The following NXPE2 variants were observed in gnomAD, a reference collection of about 807,000 sequenced individuals.
NXPE2 encodes the protein NXPE family member 2.
NXPE2 carries 34 observed loss-of-function variants against 34.4 expected under a neutral mutation model. The ratio of observed to expected loss-of-function variants is 0.99; its 90% CI spans 0.75 to 1.31. The LOEUF (loss-of-function observed/expected upper bound fraction) is 1.31, where lower values mean the gene tolerates loss of function less well. NXPE2 is among the 40% of genes most tolerant of loss of function. NXPE2 has a pLI of 0.00. For missense variants in NXPE2, 649 were observed against 672.5 expected (o/e 0.97, Z 0.39); for synonymous variants, 235 against 231.3 (o/e 1.02, Z -0.15).
the NXPE2 span, among the ~76,000 whole-genome samples, chr11:114,559,632 C>T: frequency 1.3e-5 from 2 of 152,030 alleles, no homozygotes; most frequent in South Asian, 4.2e-4. Context: ...GTTTCCCACA[C>T]TTTCTTCTGA....
chr11:114,631,529 G>C, the NXPE2 span, among the ~76,000 whole-genome samples: 3 of 121,208 alleles, frequency 2.5e-5, no homozygotes, highest in East Asian at 6.1e-4. Context: ...GTTGTGGGGT[G>C]GGGGGAGGGG....
chr11:114,789,667 A>G, the NXPE2 span, among the ~76,000 whole-genome samples: 8 of 152,350 alleles, frequency 5.3e-5, no homozygotes, highest in South Asian at 1.7e-3. Flanking sequence ...TAGTTGGCTC[A>G]GAAAGGCTTC....
At chr11:114,761,765 G>A in the NXPE2 span, among the ~76,000 whole-genome samples, 17 of 151,218 alleles carry the variant, frequency 1.1e-4, no homozygotes, top group Non-Finnish European at 2.4e-4. Context: ...TAGTAGAGAC[G>A]GGGTTTCACC....
the NXPE2 span, among the ~76,000 whole-genome samples, chr11:114,503,372 G>A: frequency 0.016 from 2,501 of 152,084 alleles, 49 homozygotes; most frequent in African/African-American, 0.054. Flanking sequence ...TAGAAGAGAC[G>A]GAGACAATTT....
At chr11:114,714,650 C>A in the NXPE2 span, among the ~76,000 whole-genome samples, 4 of 152,184 alleles carry the variant, frequency 2.6e-5, no homozygotes, top group African/African-American at 9.7e-5. Context: ...TTACATGTGG[C>A]AGCTGAAAGG....
At chr11:114,740,654 C>T in the NXPE2 span, among the ~76,000 whole-genome samples, 2 of 152,230 alleles carry the variant, frequency 1.3e-5, no homozygotes, top group Admixed American at 1.3e-4. Flanking sequence ...GCTGTTGAAT[C>T]AAATGTTTTG....
At chr11:114,636,562 C>G in the NXPE2 span, among the ~76,000 whole-genome samples, 1 of 151,462 alleles carries the variant, frequency 6.6e-6, no homozygotes, top group Non-Finnish European at 1.5e-5. Flanking sequence ...GTTAGGGTGT[C>G]AATTTTGGAT....
chr11:114,476,839 A>T, the NXPE2 span, among the ~76,000 whole-genome samples: 1 of 152,138 alleles, frequency 6.6e-6, no homozygotes, highest in African/African-American at 2.4e-5. Context: ...CCATATCAAT[A>T]GTGTGTGTGG....
the NXPE2 span, among the ~76,000 whole-genome samples, chr11:114,765,207 C>T: frequency 6.6e-6 from 1 of 152,228 alleles, no homozygotes; most frequent in African/African-American, 2.4e-5. Flanking sequence ...ACATCCCAAT[C>T]TCATTTTTCA....
chr11:114,780,076 C>T, the NXPE2 span, among the ~76,000 whole-genome samples: 3 of 152,206 alleles, frequency 2.0e-5, no homozygotes, highest in South Asian at 4.1e-4. Flanking sequence ...ACTGCCTCCC[C>T]GTCAAGAGGC....
the NXPE2 span, among the ~76,000 whole-genome samples, chr11:114,600,836 C>A: frequency 2.0e-5 from 3 of 151,924 alleles, no homozygotes; most frequent in Non-Finnish European, 4.4e-5. Context: ...ATATGAGAAT[C>A]CTCTATACTA....
chr11:114,607,642 G>A, the NXPE2 span, among the ~76,000 whole-genome samples: 13 of 151,324 alleles, frequency 8.6e-5, no homozygotes, highest in Middle Eastern at 3.5e-3. Context: ...GTTGCCTCGC[G>A]GTTAACCACT....
At chr11:114,811,346 TA>T in the NXPE2 span, among the ~76,000 whole-genome samples, 25 of 150,774 alleles carry the variant, frequency 1.7e-4, no homozygotes, top group African/African-American at 5.4e-4. Flanking sequence ...AATAATAAAA[TA>T]AAAAAAATGC....
chr11:114,695,304 G>A (rs1390731156), intron 2 of NXPE2, among the ~76,000 whole-genome samples: 1 of 152,136 alleles, frequency 6.6e-6, no homozygotes, highest in African/African-American at 2.4e-5. Context: ...AGGAGGGGAA[G>A]CATTCTGTAG....
chr11:114,699,368 T>C (rs1390188919), intron 3 of NXPE2, among the ~76,000 whole-genome samples: 1 of 152,192 alleles, frequency 6.6e-6, no homozygotes. Flanking sequence ...GCACCTAGAC[T>C]AATGTTTTTG....
chr11:114,523,184 C>T, the NXPE2 span: 340 of 888,808 alleles, frequency 3.8e-4, 5 homozygotes, highest in South Asian at 5.0e-3. Context: ...TCTCTTTCCC[C>T]CTTCCTGTAA....
the NXPE2 span, among the ~76,000 whole-genome samples, chr11:114,720,470 C>T: frequency 0.012 from 1,823 of 152,230 alleles, 38 homozygotes; most frequent in African/African-American, 0.041. Context: ...TAGCACAGGC[C>T]ACATGTTCAG....
upstream of NXPE2, among the ~76,000 whole-genome samples, chr11:114,674,687 G>A (rs1252080453): frequency 2.6e-5 from 4 of 151,686 alleles, no homozygotes; most frequent in African/African-American, 9.7e-5. Context: ...AGAAAAGACA[G>A]GACCTGATGG....
intron 4 of NXPE2, 147 bp downstream of exon 4, chr11:114,704,199 G>T: frequency 1.7e-6 from 1 of 604,924 alleles, no homozygotes; most frequent in East Asian, 2.9e-5. Context: ...TTAGAGAAGG[G>T]ATTTTATTCT....
Sources: allele counts gnomAD v4.1 joint callset (sites outside exome capture counted in the v4.1 genomes callset), GRCh38; gene constraint gnomAD v4.1.1; transcripts MANE v1.5; gene names NCBI Gene and HGNC (gene_info 2026-07-23, HGNC 2026-07-21).